The following KIAA1217 variants were observed in gnomAD, a reference collection of about 807,000 sequenced individuals.
KIAA1217 encodes sickle tail protein homolog.
In KIAA1217, 88 loss-of-function variants were observed where a neutral mutation model predicts 163.9. The ratio of observed to expected loss-of-function variants is 0.54; its 90% CI spans 0.45 to 0.64. KIAA1217 has a LOEUF of 0.64. KIAA1217 is among the 30% of genes least tolerant of loss of function. KIAA1217 has a pLI of 0.00. For synonymous variants in KIAA1217, 903 were observed against 923.1 expected (o/e 0.98, Z 0.39); for missense variants, 2,372 against 2,475.0 (o/e 0.96, Z 0.88).
chr10:23,982,262 A>G (rs1845798351), intron 1 of KIAA1217, among the ~76,000 whole-genome samples: 1 of 152,168 alleles, frequency 6.6e-6, no homozygotes, highest in Admixed American at 6.5e-5. Context: ...AATCTGTGCA[A>G]TGGTCTCAAA....
chr10:24,521,506 G>T (rs955400748), intron 11 of KIAA1217, among the ~76,000 whole-genome samples: 1 of 151,990 alleles, frequency 6.6e-6, no homozygotes, highest in Admixed American at 6.6e-5. Flanking sequence ...GACCCTGTCA[G>T]CCAGTCAAAT....
At chr10:23,704,981 A>G (rs900028418) in intron 1 of KIAA1217, among the ~76,000 whole-genome samples, 6 of 152,060 alleles carry the variant, frequency 3.9e-5, no homozygotes, top group African/African-American at 1.2e-4. Flanking sequence ...TTTTTTGAGG[A>G]TAGTCATCTT....
chr10:24,084,756 T>A (rs960255524), intron 2 of KIAA1217, among the ~76,000 whole-genome samples: 8 of 151,870 alleles, frequency 5.3e-5, no homozygotes, highest in African/African-American at 1.7e-4. Context: ...AAAAAGTAAT[T>A]GAGAGAGAAG....
rs189404275 is a variant in KIAA1217 at position 24,495,260 on chromosome 10, C to A, written c.1834+64C>A. On this transcript the variant is annotated intron_variant, in intron 8 of 20. Transcript: ENST00000376454. The stretch of plus-strand genomic sequence containing the variant: ...CTGCCTGGGATGAGCCCTGGCTGGT[C>A]TCAGAAATGTTTAACATTTCCCTAA... The A allele has an allele frequency of 4.0e-5, 54 of 1,342,434 alleles. 1 individual carries two copies. In the Admixed American group the frequency reaches 9.0e-4, roughly 22 times the overall value. The allele number at this position is 1,342,434 out of a possible 1,614,324, so 83.2% of individuals were successfully genotyped here.
At chr10:24,375,457 G>A (rs531371926) in intron 2 of KIAA1217, among the ~76,000 whole-genome samples, 14 of 152,328 alleles carry the variant, frequency 9.2e-5, no homozygotes, top group Admixed American at 6.5e-4. Flanking sequence ...GAATGGTAGA[G>A]AAAACCTAAA....
chr10:24,268,171 G>C (rs561464529), intron 2 of KIAA1217, among the ~76,000 whole-genome samples: 59 of 152,214 alleles, frequency 3.9e-4, no homozygotes, highest in Non-Finnish European at 6.8e-4. Context: ...CATTTGGCTA[G>C]AAAGGTCAGG....
chr10:24,034,297 A>C (rs908834184), intron 2 of KIAA1217, among the ~76,000 whole-genome samples: 3 of 152,076 alleles, frequency 2.0e-5, no homozygotes, highest in African/African-American at 7.2e-5. Flanking sequence ...TGTGGCTTAC[A>C]CCTGTAATCC....
chr10:24,516,382 T>C (rs1002985698), intron 10 of KIAA1217, among the ~76,000 whole-genome samples: 1 of 152,266 alleles, frequency 6.6e-6, no homozygotes. Flanking sequence ...TTGATGCCTG[T>C]CTGGGCTGTG....
intron 1 of KIAA1217, among the ~76,000 whole-genome samples, chr10:23,931,543 G>C (rs902411856): frequency 6.6e-6 from 1 of 152,116 alleles, no homozygotes; most frequent in East Asian, 1.9e-4. Context: ...TAGGAATTAT[G>C]TCTAATAATC....
At chr10:24,539,446 G>T (rs1400717181) in intron 17 of KIAA1217, among the ~76,000 whole-genome samples, 1 of 151,866 alleles carries the variant, frequency 6.6e-6, no homozygotes, top group Non-Finnish European at 1.5e-5. Flanking sequence ...GGCCAGGCTG[G>T]TCTTCAACTA....
intron 1 of KIAA1217, among the ~76,000 whole-genome samples, chr10:23,904,146 A>G (rs1051849986): frequency 2.6e-5 from 4 of 152,134 alleles, no homozygotes; most frequent in African/African-American, 9.6e-5. Context: ...TTCAAAGGGC[A>G]TGCCAGCTGT....
chr10:24,259,724 TG>T (rs1176727988), intron 2 of KIAA1217, among the ~76,000 whole-genome samples: 1 of 152,200 alleles, frequency 6.6e-6, no homozygotes, highest in African/African-American at 2.4e-5. Flanking sequence ...GCCTTCCCCC[TG>T]GGAGCCTGAG....
intron 2 of KIAA1217, among the ~76,000 whole-genome samples, chr10:24,067,950 G>A (rs974780676): frequency 6.6e-6 from 1 of 152,246 alleles, no homozygotes; most frequent in Non-Finnish European, 1.5e-5. Context: ...GCCTTGTGCA[G>A]GATATAATCT....
At chr10:23,943,024 C>T (rs1283059729) in intron 1 of KIAA1217, among the ~76,000 whole-genome samples, 2 of 151,458 alleles carry the variant, frequency 1.3e-5, no homozygotes, top group African/African-American at 4.9e-5. Context: ...ACTCAAGAGG[C>T]TGAGGTGGGA....
intron 2 of KIAA1217, among the ~76,000 whole-genome samples, chr10:24,263,055 G>A (rs77532872): frequency 0.093 from 14,215 of 152,140 alleles, 1,124 homozygotes; most frequent in East Asian, 0.32. Context: ...ACTTCTATGT[G>A]TGTCTCATGC....
At chr10:24,174,287 C>T (rs955001312) in intron 2 of KIAA1217, among the ~76,000 whole-genome samples, 1 of 152,228 alleles carries the variant, frequency 6.6e-6, no homozygotes, top group Admixed American at 6.5e-5. Flanking sequence ...GCCTTGCCAC[C>T]TGGGCAGCTT....
chr10:23,987,947 T>G (rs1846053258), intron 1 of KIAA1217, among the ~76,000 whole-genome samples: 1 of 152,232 alleles, frequency 6.6e-6, no homozygotes, highest in Admixed American at 6.5e-5. Context: ...TGTTTGAGGA[T>G]ACCAAGGAGA....
intron 2 of KIAA1217, among the ~76,000 whole-genome samples, chr10:24,108,162 G>C (rs1212536623): frequency 6.6e-6 from 1 of 152,182 alleles, no homozygotes; most frequent in East Asian, 1.9e-4. Flanking sequence ...TACTAGGTGT[G>C]AGTGACTGTG....
rs535840734 is a variant in KIAA1217 at position 23,844,707 on chromosome 10, C to CT, written c.-321+149484dup. Among the ~76,000 whole-genome samples the CT allele has an allele frequency of 7.2e-3, 1,040 of 144,044 alleles. 11 individuals are homozygous for CT. The highest frequency in any genetic ancestry group is 0.019 in the African/African-American group (752 of 39,418). The allele number at this position is 144,044 out of a possible 152,430, so 94.5% of individuals were successfully genotyped here. Reference sequence around the variant, plus strand: ...TTGGTTCTAGGTCCTCTTTTCTTTTCTTTTTTTTTTTAATTTGTGGCTCAA... The same window carrying CT: ...TTGGTTCTAGGTCCTCTTTTCTTTTCTTTTTTTTTTTTAATTTGTGGCTCAA... On this transcript the variant is annotated intron_variant, in intron 1 of 18. Transcript: ENST00000376462.
Sources: allele counts gnomAD v4.1 joint callset (sites outside exome capture counted in the v4.1 genomes callset), GRCh38; gene constraint gnomAD v4.1.1; transcripts MANE v1.5; gene names NCBI Gene and HGNC (gene_info 2026-07-23, HGNC 2026-07-21).